Variants in PLK4 observed in about 807,000 individuals in gnomAD.
PLK4 encodes serine/threonine-protein kinase PLK4.
Under a neutral mutation model 103.0 loss-of-function variants are expected in PLK4, and 51 were observed. The ratio of observed to expected loss-of-function variants is 0.50; its 90% confidence interval spans 0.40 to 0.63. The LOEUF (loss-of-function observed/expected upper bound fraction) is 0.63. PLK4 is among the 20% of genes least tolerant of loss of function. The pLI, the probability that PLK4 is intolerant of heterozygous loss-of-function variation, is 0.00. For missense variants in PLK4, 1,054 were observed against 1,151.0 expected (o/e 0.92, Z 1.22); for synonymous variants, 389 against 376.8 (o/e 1.03, Z -0.38).
At chr4:127,887,581 A>G (rs1048587677) in intron 6 of PLK4, 85 bp downstream of exon 6, 1 of 836,430 alleles carries the variant, frequency 1.2e-6, no homozygotes, top group Non-Finnish European at 2.0e-6. Flanking sequence ...AGATTTTTAA[A>G]GAAAATCATT....
Position 127,890,253 on chromosome 4 carries a change from CT to C in PLK4, c.1830+19del, listed in dbSNP as rs1401887663. 1.9e-6 allele frequency: 3 copies of C among 1,553,476 alleles called. No homozygotes were observed. Among genetic ancestry groups the C allele is most frequent in the Non-Finnish European group, 2.6e-6 (3 of 1,149,856 alleles). On this transcript the variant is annotated intron_variant, in intron 7 of 15. Transcript: ENST00000270861. ...AAGGCTGTGGTATGTCTGTTATCTT[CT>C]TAAGTTACTAAATAACATTTTACTT...
intron 2 of PLK4, among the ~76,000 whole-genome samples, chr4:127,882,312 A>C (rs1734961933): frequency 1.3e-5 from 2 of 152,188 alleles, no homozygotes; most frequent in African/African-American, 4.8e-5. Flanking sequence ...AGTAACATAA[A>C]CATAAGCAAA....
At position 127,891,080 on chromosome 4, in the gene PLK4, T is replaced by G. The variant is rs1735338280; in HGVS notation, c.1831-12T>G. 7.3e-6 allele frequency: 11 copies of G among 1,497,498 alleles called. 1 individual carries two copies. The highest frequency in any genetic ancestry group is 9.1e-6 in the Non-Finnish European group (10 of 1,096,424). The allele number at this position is 1,497,498 out of a possible 1,614,324, so 92.8% of individuals were successfully genotyped here. A position where few individuals can be genotyped will look rare whatever the true frequency, so the allele number is the denominator to read the frequency against. On this transcript the variant is annotated splice_polypyrimidine_tract_variant and intron_variant, in intron 7 of 15. Coordinates refer to ENST00000270861, the MANE Select transcript of PLK4 (RefSeq NM_014264.5). ...AGAATTATTACTGATTTTGGGTTTT[T>G]TTTTTTTTTAGGTGAGCATACTTGA...
rs34156294 is a variant in PLK4, at chr4:127,883,473, A to G, written c.257A>G (p.Tyr86Cys). 8.5e-6 allele frequency: 13 copies of G among 1,521,678 alleles called. No homozygotes were observed. In the East Asian group the frequency reaches 1.6e-4, roughly 18 times the overall value. 94.3% of individuals were successfully genotyped at this position (1,521,678 alleles called of 1,614,324 possible). ...TATTTTGAAGATAGCAATTATGTGT[A>G]TCTGGTATTAGAAATGTGCCATAAT... ...YNYFEDSNYVYLVLEMCHNGE... is the reference protein window; with the variant it reads ...YNYFEDSNYVCLVLEMCHNGE... Residue 86 changes from tyrosine (Y) to cysteine (C), a missense_variant, in exon 4 of 16, where the codon TAT (tyrosine) becomes TGT (cysteine). Around this residue, in one of 4 missense-constraint regions of PLK4, gnomAD observed 199 missense variants for 270.1 expected, o/e 0.74. Coordinates refer to ENST00000270861, the MANE Select transcript of PLK4 (RefSeq NM_014264.5).
chr4:127,893,611 G>A lies in PLK4; in HGVS notation c.2414+7G>A, dbSNP rs1237840123. On this transcript the variant is annotated splice_region_variant and intron_variant, in intron 12 of 15. Coordinates refer to ENST00000270861, the MANE Select transcript of PLK4 (RefSeq NM_014264.5). Reference sequence around the variant, plus strand: ...TCCCAATAATCATAGGAAGGTAAATGTCTGAAAATTTTAAACATATGGCTA... The same window carrying A: ...TCCCAATAATCATAGGAAGGTAAATATCTGAAAATTTTAAACATATGGCTA... The A allele has an allele frequency of 6.2e-7, 1 of 1,600,542 alleles. No individual in the cohort carries two copies.
rs961475598 is a variant in PLK4, at chr4:127,898,784, A to T, written c.*243A>T. 3.0e-6 allele frequency: 1 copy of T among 332,756 alleles called. No individual in the cohort carries two copies. Among genetic ancestry groups the T allele is most frequent in the African/African-American group, 2.1e-5 (1 of 46,938 alleles). 20.6% of individuals were successfully genotyped at this position (332,756 alleles called of 1,614,324 possible). A position where few individuals can be genotyped will look rare whatever the true frequency, so the allele number is the denominator to read the frequency against. On this transcript the variant is annotated 3_prime_UTR_variant, in exon 16 of 16. Transcript: ENST00000270861. ...CTCTTAGACCATAACCCCCGAACTT[A>T]CTATGTTCATATATTTGTATTGAAC...
At chr4:127,896,001 T>C in intron 14 of PLK4, among the ~76,000 whole-genome samples, 1 of 152,326 alleles carries the variant, frequency 6.6e-6, no homozygotes, top group Non-Finnish European at 1.5e-5. Flanking sequence ...TGGAGAGACT[T>C]CTGAGCCTGA....
intron 1 of PLK4, 155 bp downstream of exon 1, chr4:127,881,319 AG>A: frequency 6.7e-7 from 1 of 1,491,108 alleles, no homozygotes; most frequent in Non-Finnish European, 8.9e-7. Flanking sequence ...CCTGCTGTTT[AG>A]GGGCGGAGCG....
chr4:127,882,580 A>G (rs1351845406), intron 2 of PLK4, among the ~76,000 whole-genome samples: 1 of 152,114 alleles, frequency 6.6e-6, no homozygotes, highest in Non-Finnish European at 1.5e-5. Context: ...ACCAACATGG[A>G]GAAACCCCAT....
chr4:127,887,874 A>C, intron 6 of PLK4, among the ~76,000 whole-genome samples: 2 of 147,986 alleles, frequency 1.4e-5, no homozygotes, highest in Non-Finnish European at 3.0e-5. Context: ...ACCCTGTCAA[A>C]AAAAAAAAAA....
chr4:127,881,764 C>G (rs1245055689), intron 1 of PLK4, 67 bp from the exon 2 acceptor site: 7 of 949,950 alleles, frequency 7.4e-6, no homozygotes, highest in South Asian at 6.8e-5. Context: ...TCTTCTTTTT[C>G]CAGCCCCTTC....
rs564340068 is a variant in PLK4 at position 127,887,912 on chromosome 4, G to T, written c.1459+416G>T. ...AAAAAAGCATTGGCCAGGCGTGGTG[G>T]CTCATGCCTGTAATCCTAGTACTTT... On this transcript the variant is annotated intron_variant, in intron 6 of 15. Coordinates refer to ENST00000270861, the MANE Select transcript of PLK4 (RefSeq NM_014264.5). 2.0e-5 allele frequency among the ~76,000 whole-genome samples: 3 copies of T among 149,032 alleles called. No homozygotes were observed. The South Asian group carries it at 6.4e-4, about 32-fold the overall frequency.
intron 4 of PLK4, among the ~76,000 whole-genome samples, chr4:127,884,635 C>T (rs1735049780): frequency 6.6e-6 from 1 of 152,154 alleles, no homozygotes; most frequent in Non-Finnish European, 1.5e-5. Context: ...AAAACCCCAT[C>T]TCTACTAAAA....
In PLK4 at chr4:127,890,081, G is replaced by C. The variant is rs1735294671; in HGVS notation, c.1675G>C (p.Glu559Gln). 4 of 1,614,024 alleles carry C rather than the reference G, an allele frequency of 2.5e-6. No homozygotes were observed. The East Asian group carries it at 8.9e-5, about 36-fold the overall frequency. ...LHSKPEIIQQ[E>Q]CVFGSDPLSE... is the part of the protein sequence containing the mutation. ...CAGTAAACCTGAGATAATCCAACAA[G>C]AATGTGTTTTTGGCTCAGATCCTCT... Residue 559 changes from glutamate to glutamine, a missense_variant, in exon 7 of 16, where the codon GAA (glutamate) becomes CAA (glutamine). Physicochemically the swap from Glu to Gln is conservative, Grantham distance 29. Coordinates refer to ENST00000270861, the MANE Select transcript of PLK4 (RefSeq NM_014264.5).
In PLK4 at chr4:127,886,072, G is replaced by T. The variant is rs778024408; in HGVS notation, c.702G>T (p.Leu234Phe). 14 of 1,614,106 alleles carry T rather than the reference G, an allele frequency of 8.7e-6. No individual in the cohort carries two copies. Among genetic ancestry groups the T allele is most frequent in the South Asian group, 5.5e-5 (5 of 91,080 alleles). The stretch of plus-strand genomic sequence containing the variant: ...CAGATTATGAAATGCCATCTTTTTT[G>T]TCAATAGAGGCCAAGGACCTTATTC... ...VLADYEMPSF[L>F]SIEAKDLIHQ... The change falls in exon 5 of 16, where the codon TTG (leucine) becomes TTT (phenylalanine). Residue 234 changes from leucine (L) to phenylalanine (F), a missense_variant. This residue lies in a region of PLK4 where 680 missense variants were observed against 660.3 expected (regional missense o/e 1.03). Coordinates refer to ENST00000270861, the MANE Select transcript of PLK4 (RefSeq NM_014264.5).
intron 15 of PLK4, among the ~76,000 whole-genome samples, chr4:127,897,823 G>GATTTT (rs1560703278): frequency 2.7e-5 from 1 of 37,138 alleles, no homozygotes; most frequent in Non-Finnish European, 5.9e-5. Flanking sequence ...TAGAATTAGG[G>GATTTT]CTTTTTTTTT....
Position 127,886,599 on chromosome 4 carries a change from G to A in PLK4, c.1229G>A (p.Arg410Lys), listed in dbSNP as rs773353771. The A allele has an allele frequency of 1.2e-6, 2 of 1,613,958 alleles. No individual in the cohort carries two copies. Among genetic ancestry groups the A allele is most frequent in the Non-Finnish European group, 1.7e-6 (2 of 1,179,958 alleles). ...HSAEMLSVSKRSGGGENEERY... is the reference protein window; with the variant it reads ...HSAEMLSVSKKSGGGENEERY... ...GCAGAAATGCTTTCAGTGTCCAAAA[G>A]ATCAGGAGGAGGTGAAAATGAAGAG... Residue 410 changes from arginine (R) to lysine (K), a missense_variant, in exon 5 of 16, where the codon AGA becomes AAA. Transcript: ENST00000270861.
rs1301498430 is a variant in PLK4 at position 127,899,065 on chromosome 4, TAA to T, written c.*525_*526del. 2.0e-5 allele frequency: 3 copies of T among 152,420 alleles called. No homozygotes were observed. Among genetic ancestry groups the T allele is most frequent in the South Asian group, 2.1e-4 (1 of 4,836 alleles). The allele number at this position is 152,420 out of a possible 1,614,324, so 9.4% of individuals were successfully genotyped here. ...TTTTATAAAAAAATAAATATAGTGA[TAA>T]GTTACATTATCTTTTGATTCATTTA... On this transcript the variant is annotated 3_prime_UTR_variant, in exon 16 of 16. Transcript: ENST00000270861.
At chr4:127,887,009 C>T (rs1578756545) in intron 5 of PLK4, among the ~76,000 whole-genome samples, 1 of 152,136 alleles carries the variant, frequency 6.6e-6, no homozygotes, top group East Asian at 1.9e-4. Context: ...TCATGCCTTA[C>T]CCCCTAAAGT....
Sources: allele counts gnomAD v4.1 joint callset (sites outside exome capture counted in the v4.1 genomes callset), GRCh38; gene constraint gnomAD v4.1.1; regional missense constraint gnomAD v4.1.1; transcripts MANE v1.5; gene names NCBI Gene and HGNC (gene_info 2026-07-23, HGNC 2026-07-21).